The following TTN variants were observed in gnomAD, a reference collection of about 807,000 sequenced individuals.
TTN encodes the protein connectin.
TTN carries 1,525 observed loss-of-function variants against 3,223.0 expected under a neutral mutation model. The observed-to-expected ratio is 0.47, with a 90% CI of 0.45 to 0.49. The LOEUF (loss-of-function observed/expected upper bound fraction) is 0.49. TTN is among the 20% of genes least tolerant of loss of function. The pLI, the probability that TTN is intolerant of heterozygous loss-of-function variation, is 0.00. For synonymous variants in TTN, 14,094 were observed against 15,161.0 expected (o/e 0.93, Z 5.17); for missense variants, 40,786 against 43,424.0 (o/e 0.94, Z 5.40).
In TTN at chr2:178,537,476, G is replaced by T; in HGVS notation, c.99731C>A (p.Thr33244Asn). 1 of 1,613,560 alleles carries T rather than the reference G, an allele frequency of 6.2e-7. No individual in the cohort carries two copies. Among genetic ancestry groups the T allele is most frequent in the Non-Finnish European group, 8.5e-7 (1 of 1,179,694 alleles). Reference sequence around the variant, plus strand: ...AGTATAGTGCTCAGTGTTTTCAATAGTAATGTTTTCTGAGTTTTGCAAAAG... The same window carrying T: ...AGTATAGTGCTCAGTGTTTTCAATATTAATGTTTTCTGAGTTTTGCAAAAG... ...QKLLQNSENI[T>N]IENTEHYTHL... is the part of the protein sequence containing the mutation. Residue 33244 changes from threonine (T) to asparagine (N), a missense_variant, in exon 355 of 363, where the codon ACT becomes AAT. Thr to Asn is a moderately conservative substitution (Grantham distance 65). Transcript: ENST00000589042.
Position 178,549,788 on chromosome 2 carries a change from A to G in TTN, c.91934T>C (p.Leu30645Pro), listed in dbSNP as rs886038985. The G allele has an allele frequency of 1.9e-6, 3 of 1,611,666 alleles. No homozygotes were observed. The Admixed American group carries it at 5.0e-5, about 27-fold the overall frequency. ...GGTTATGGGAGCACAACCGTCATTG[A>G]GTGGGGCATCCCACCACAGAGTCAT... Reference protein sequence around the residue: ...EKMTLWWDAPLNDGCAPITHY... With the variant: ...EKMTLWWDAPPNDGCAPITHY... The change falls in exon 338 of 363, where the codon CTC becomes CCC. Residue 30645 changes from leucine (L) to proline (P), a missense_variant. By Grantham distance (98) the Leu-to-Pro change is moderately conservative (BLOSUM62 -3). Coordinates refer to ENST00000589042, the MANE Select transcript of TTN (RefSeq NM_001267550.2).
rs756258905 is a variant in TTN, at chr2:178,769,927, G to A, written c.8654C>T (p.Thr2885Ile). 17 of 1,614,050 alleles carry A rather than the reference G, an allele frequency of 1.1e-5. No individual in the cohort carries two copies. Among genetic ancestry groups the A allele is most frequent in the Non-Finnish European group, 1.3e-5 (15 of 1,179,990 alleles). ...AKLFVETLHITKTMKNIEVPE... is the reference protein window; with the variant it reads ...AKLFVETLHIIKTMKNIEVPE... ...CACCTCGATATTTTTCATGGTTTTT[G>A]TAATATGTAATGCTTGGTAAAATCA... The change falls in exon 37 of 363, where the codon ACA becomes ATA. Residue 2885 changes from threonine (T) to isoleucine (I), a missense_variant. Thr to Ile is a moderately conservative substitution (Grantham distance 89). Coordinates refer to ENST00000589042, the MANE Select transcript of TTN (RefSeq NM_001267550.2).
intron 134 of TTN, 81 bp downstream of exon 134, chr2:178,683,130 T>G: frequency 5.8e-6 from 6 of 1,040,626 alleles, no homozygotes; most frequent in Non-Finnish European, 8.8e-6. Context: ...GCTAATAAAG[T>G]ATAGGAGTCA....
chr2:178,547,878 T>G lies in TTN; in HGVS notation c.93748A>C (p.Lys31250Gln). Residue 31250 changes from lysine to glutamine, a missense_variant, in exon 339 of 363, where the codon AAA becomes CAA. Transcript: ENST00000589042. ...TCTTTAAGTCTCATTTCTTCCAGTTTCCATGTTACTTTGGGGGCAGGACGA... is the reference window on the plus strand; with the variant it reads ...TCTTTAAGTCTCATTTCTTCCAGTTGCCATGTTACTTTGGGGGCAGGACGA... ...SGRPAPKVTW[K>Q]LEEMRLKETD... The G allele has an allele frequency of 1.9e-6, 3 of 1,613,904 alleles. No homozygotes were observed. The highest frequency in any genetic ancestry group is 1.1e-5 in the South Asian group (1 of 91,082).
At position 178,769,720 on chromosome 2, in the gene TTN, A is replaced by T. The variant is rs973559075; in HGVS notation, c.8861T>A (p.Val2954Asp). The part of the protein sequence containing the change: ...STEDSAEYTF[V>D]CGNDQVSATL... ...GGCACTGACTTGGTCATTGCCACAG[A>T]CAAATGTGTATTCTGCCGAGTCCTC... Residue 2954 changes from valine to aspartate, a missense_variant, in exon 37 of 363, where the codon GTC becomes GAC. Transcript: ENST00000589042. 6.2e-7 allele frequency: 1 copy of T among 1,613,782 alleles called. No homozygotes were observed. The highest frequency in any genetic ancestry group is 8.5e-7 in the Non-Finnish European group (1 of 1,179,840).
rs558077210 is a variant in TTN, at chr2:178,767,780, T to A, written c.9450A>T (p.Arg3150=). ...LFVEGRDVRI[R]SIKKEVQVIE... ...ATACCTGAACCTCCTTTTTAATACTTCGGATGCGAACATCTCTGCCTTCTA... is the reference window on the plus strand; with the variant it reads ...ATACCTGAACCTCCTTTTTAATACTACGGATGCGAACATCTCTGCCTTCTA... Residue 3150 remains arginine (R), a synonymous_variant, in exon 40 of 363, where the codon CGA becomes CGT. Coordinates refer to ENST00000589042, the MANE Select transcript of TTN (RefSeq NM_001267550.2). The A allele has an allele frequency of 2.2e-5, 36 of 1,614,170 alleles. No homozygotes were observed. The South Asian group carries it at 3.8e-4, about 17-fold the overall frequency.
In TTN at chr2:178,599,613, G is replaced by T. The variant is rs746218913; in HGVS notation, c.56288C>A (p.Thr18763Asn). Residue 18763 changes from threonine (T) to asparagine (N), a missense_variant, in exon 289 of 363, where the codon ACC (threonine) becomes AAC (asparagine). By Grantham distance (65) the Thr-to-Asn change is moderately conservative (BLOSUM62 0). Coordinates refer to ENST00000589042, the MANE Select transcript of TTN (RefSeq NM_001267550.2). Reference protein sequence around the residue: ...QSRRSDTGLYTITAVNNLGTA... With the variant: ...QSRRSDTGLYNITAVNNLGTA... ...TCCCAGATTATTTACAGCTGTGATG[G>T]TATATAAGCCAGTGTCACTCCTGCG... is the stretch of plus-strand genomic sequence containing the variant. 1.9e-6 allele frequency: 3 copies of T among 1,609,586 alleles called. No individual in the cohort carries two copies. The highest frequency in any genetic ancestry group is 2.2e-5 in the South Asian group (2 of 90,188).
At position 178,694,645 on chromosome 2, in the gene TTN, T is replaced by C. The variant is rs566141659; in HGVS notation, c.31380A>G (p.Gln10460=). 12 of 1,558,750 alleles carry C rather than the reference T, an allele frequency of 7.7e-6. No individual in the cohort carries two copies. In the East Asian group the frequency reaches 1.2e-4, roughly 15 times the overall value. ...CCTGTACTGGAGTCCGGGAAGGTTTTTGTGGAACAATCTTCTTTGAAACTT... is the reference window on the plus strand; with the variant it reads ...CCTGTACTGGAGTCCGGGAAGGTTTCTGTGGAACAATCTTCTTTGAAACTT... ...VPEVSKKIVP[Q]KPSRTPVQEE... The change falls in exon 117 of 363, where the codon CAA becomes CAG. Residue 10460 remains glutamine (Q), a synonymous_variant. Coordinates refer to ENST00000589042, the MANE Select transcript of TTN (RefSeq NM_001267550.2).
At chr2:178,772,910 G>C in intron 33 of TTN, 199 bp downstream of exon 33, 1 of 636,994 alleles carries the variant, frequency 1.6e-6, no homozygotes, top group East Asian at 2.8e-5. Context: ...AATGGAGAAG[G>C]TGACGTTTGA....
Position 178,651,276 on chromosome 2 carries a change from C to T in TTN, c.39592G>A (p.Val13198Ile), listed in dbSNP as rs764200929. 3 of 1,613,178 alleles carry T rather than the reference C, an allele frequency of 1.9e-6. No individual in the cohort carries two copies. Among genetic ancestry groups the T allele is most frequent in the Admixed American group, 3.3e-5 (2 of 59,930 alleles). The change falls in exon 208 of 363, where the codon GTT becomes ATT. Residue 13198 changes from valine to isoleucine, a missense_variant. Transcript: ENST00000589042. Reference sequence around the variant, plus strand: ...GGTGGGACTTCTGGCTTTTTGGGAACAGCTACTTTCTTTTCTGGAACAACT... The same window carrying T: ...GGTGGGACTTCTGGCTTTTTGGGAATAGCTACTTTCTTTTCTGGAACAACT... ...KEVVPEKKVA[V>I]PKKPEVPPAK...
Position 178,684,368 on chromosome 2 carries a change from A to G in TTN, c.32684T>C (p.Val10895Ala), listed in dbSNP as rs779091157. The G allele has an allele frequency of 1.5e-5, 25 of 1,613,486 alleles. No homozygotes were observed. The highest frequency in any genetic ancestry group is 2.0e-5 in the Non-Finnish European group (24 of 1,179,660). Residue 10895 changes from valine (V) to alanine (A), a missense_variant, in exon 132 of 363, where the codon GTT becomes GCT. Transcript: ENST00000589042. ...AGGCGCCTCTTTTTTAGTTACAGCA[A>G]CAAGAACTTTTTCTTCCTGGGTAAT... The part of the protein sequence containing the change: ...MQITQEEKVL[V>A]AVTKKEAPPK...
chr2:178,681,827 T>C, intron 135 of TTN, 89 bp from the exon 136 acceptor site: 2 of 1,173,808 alleles, frequency 1.7e-6, no homozygotes, highest in Non-Finnish European at 2.4e-6. Flanking sequence ...TGAAATAATA[T>C]CTTTTATCTA....
Position 178,794,465 on chromosome 2 carries a change from G to A in TTN, c.1332C>T (p.Ser444=), listed in dbSNP as rs759520186. The change falls in exon 8 of 363, where the codon AGC becomes AGT. Residue 444 remains serine, a synonymous_variant. Coordinates refer to ENST00000589042, the MANE Select transcript of TTN (RefSeq NM_001267550.2). ...DMARVREPVI[S]AVEQTAQRTT... is the part of the protein sequence containing the mutation. Reference sequence around the variant, plus strand: ...TCCTCTGAGCAGTCTGCTCTACAGCGCTGATCACTGGTTCTCTCACTCTGG... The same window carrying A: ...TCCTCTGAGCAGTCTGCTCTACAGCACTGATCACTGGTTCTCTCACTCTGG... The A allele has an allele frequency of 6.8e-6, 11 of 1,614,048 alleles. No individual in the cohort carries two copies. Among genetic ancestry groups the A allele is most frequent in the South Asian group, 1.1e-5 (1 of 91,092 alleles).
Position 178,738,266 on chromosome 2 carries a change from G to A in TTN, c.14187C>T (p.Val4729=). The stretch of plus-strand genomic sequence containing the variant: ...GGCCAGCTTTAAACCACTGGAACCG[G>A]ACATTGGGAGCACTTTGGATCTCAC... ...FTCEIQSAPN[V]RFQWFKAGRE... Residue 4729 remains valine, a synonymous_variant, in exon 49 of 363, where the codon GTC becomes GTT. Coordinates refer to ENST00000589042, the MANE Select transcript of TTN (RefSeq NM_001267550.2). The A allele has an allele frequency of 6.2e-7, 1 of 1,613,594 alleles. No homozygotes were observed. The highest frequency in any genetic ancestry group is 8.5e-7 in the Non-Finnish European group (1 of 1,179,730).
Position 178,609,741 on chromosome 2 carries a change from C to T in TTN, c.51682G>A (p.Ala17228Thr), listed in dbSNP as rs369150143. 4.5e-5 allele frequency: 73 copies of T among 1,612,140 alleles called. No individual in the cohort carries two copies. The highest frequency in any genetic ancestry group is 1.7e-4 in the Admixed American group (10 of 59,954). The change falls in exon 272 of 363, where the codon GCG becomes ACG. Residue 17228 changes from alanine (A) to threonine (T), a missense_variant. By Grantham distance (58) the Ala-to-Thr change is moderately conservative (BLOSUM62 0). Coordinates refer to ENST00000589042, the MANE Select transcript of TTN (RefSeq NM_001267550.2). ...YQFRVRAENA[A>T]GISEPSRATP... Reference sequence around the variant, plus strand: ...GCCCGAGAAGGTTCACTAATACCCGCGGCGTTCTCTGCTCGCACACGGAAT... The same window carrying T: ...GCCCGAGAAGGTTCACTAATACCCGTGGCGTTCTCTGCTCGCACACGGAAT...
chr2:178,585,039 T>A, intron 309 of TTN, 33 bp downstream of exon 309: 1 of 1,603,420 alleles, frequency 6.2e-7, no homozygotes, highest in Non-Finnish European at 8.5e-7. Flanking sequence ...GAGCTTCATA[T>A]TTAGATGGCC....
chr2:178,801,548 T>A (rs146266607), intron 3 of TTN, among the ~76,000 whole-genome samples: 2 of 152,280 alleles, frequency 1.3e-5, no homozygotes, highest in Admixed American at 1.3e-4. Context: ...TTATAAAACA[T>A]GTAAAGGCAT....
At chr2:178,530,146 A>G (rs1170144041) in intron 358 of TTN, 30 bp from the exon 359 acceptor site, 1 of 1,569,626 alleles carries the variant, frequency 6.4e-7, no homozygotes, top group Admixed American at 2.1e-5. Context: ...TGTGTTTTAA[A>G]AAGTGATTTC....
chr2:178,747,240 G>A (rs1165744402), intron 47 of TTN: 2 of 1,612,842 alleles, frequency 1.2e-6, no homozygotes, highest in African/African-American at 1.3e-5. Flanking sequence ...TCCCCTGGGG[G>A]TGTGGAGTAT....
Sources: allele counts gnomAD v4.1 joint callset (sites outside exome capture counted in the v4.1 genomes callset), GRCh38; gene constraint gnomAD v4.1.1; transcripts MANE v1.5; gene names NCBI Gene and HGNC (gene_info 2026-07-23, HGNC 2026-07-21).